The following PSMA6 variants were observed in gnomAD, a reference collection of about 807,000 sequenced individuals.
PSMA6 encodes proteasome subunit alpha type-6.
For synonymous variants in PSMA6, 88 were observed against 97.7 expected (o/e 0.90, Z 0.59); for missense variants, 170 against 294.8 (o/e 0.58, Z 3.10).
At chr14:35,291,471 T>TG (rs1163358754), upstream of PSMA6, among the ~76,000 whole-genome samples, 1 of 151,932 alleles carries the variant, frequency 6.6e-6, no homozygotes, top group East Asian at 2.0e-4. Flanking sequence ...CCGCCCGCCT[T>TG]GGTCTCCCAA....
At chr14:35,295,295 C>A (rs1016007172) in intron 1 of PSMA6, among the ~76,000 whole-genome samples, 1 of 151,306 alleles carries the variant, frequency 6.6e-6, no homozygotes, top group South Asian at 2.1e-4. Flanking sequence ...CAAGACCGTG[C>A]CATTGCACCT....
At position 35,308,894 on chromosome 14, in the gene PSMA6, T is replaced by G. The variant is rs375360605; in HGVS notation, c.172-20T>G. The G allele has an allele frequency of 2.3e-5, 35 of 1,529,184 alleles. No individual in the cohort carries two copies. In the African/African-American group the frequency reaches 3.0e-4, roughly 13 times the overall value. 94.7% of individuals were successfully genotyped at this position (1,529,184 alleles called of 1,614,324 possible). On this transcript the variant is annotated intron_variant, in intron 2 of 6. Transcript: ENST00000261479. ...CTGTATGTTTTTTAAAAAATTATCTTTGTTTATTTTGTTTATTAGGACAAA... is the reference window on the plus strand; with the variant it reads ...CTGTATGTTTTTTAAAAAATTATCTGTGTTTATTTTGTTTATTAGGACAAA...
At chr14:35,292,273 C>T, upstream of PSMA6, 1 of 1,382,796 alleles carries the variant, frequency 7.2e-7, no homozygotes, top group Non-Finnish European at 9.4e-7. Context: ...GCCTCCCGCC[C>T]TCACTCCACC....
At chr14:35,297,848 A>G (rs1311091668) in intron 1 of PSMA6, among the ~76,000 whole-genome samples, 1 of 152,144 alleles carries the variant, frequency 6.6e-6, no homozygotes, top group Non-Finnish European at 1.5e-5. Flanking sequence ...TAGCCACTGT[A>G]TTTTTCTAGT....
chr14:35,287,036 A>G (rs1300348855), intron 1 of PSMA6, among the ~76,000 whole-genome samples: 1 of 152,180 alleles, frequency 6.6e-6, no homozygotes, highest in Non-Finnish European at 1.5e-5. Flanking sequence ...AAATTATAGA[A>G]CTAGAGTAGA....
intron 6 of PSMA6, chr14:35,314,994 C>T (rs1316869700): frequency 8.0e-6 from 1 of 124,614 alleles, no homozygotes; most frequent in East Asian, 2.2e-4. Flanking sequence ...TTCTTACTCA[C>T]TAAGTGACTA....
chr14:35,310,638 A>G (rs1474268813), intron 3 of PSMA6, 102 bp from the exon 4 acceptor site: 3 of 1,144,852 alleles, frequency 2.6e-6, no homozygotes, highest in Middle Eastern at 2.9e-4. Flanking sequence ...TCTTTAACTC[A>G]TGTATGTCTA....
chr14:35,283,109 G>T (rs189390452), intron 1 of PSMA6, among the ~76,000 whole-genome samples: 84 of 152,160 alleles, frequency 5.5e-4, no homozygotes, highest in Middle Eastern at 3.4e-3. Context: ...CTCCCAAAGT[G>T]CTGGGATTAC....
intron 5 of PSMA6, 174 bp from the exon 6 acceptor site, chr14:35,314,187 A>AT (rs1400481723): frequency 4.9e-6 from 3 of 608,036 alleles, no homozygotes; most frequent in Non-Finnish European, 7.0e-6. Context: ...GTAGAAAAAA[A>AT]TTTCTCATCA....
upstream of PSMA6, among the ~76,000 whole-genome samples, chr14:35,290,033 TGTG>T (rs1235452314): frequency 6.7e-6 from 1 of 150,090 alleles, no homozygotes; most frequent in African/African-American, 2.5e-5. Context: ...ACTTGGAAAA[TGTG>T]GTACAAGGGG....
chr14:35,311,553 A>G (rs1484828930), intron 4 of PSMA6, among the ~76,000 whole-genome samples: 2 of 152,192 alleles, frequency 1.3e-5, no homozygotes, highest in Non-Finnish European at 2.9e-5. Flanking sequence ...ACCTTGAAGG[A>G]AAGAAGTATT....
chr14:35,304,267 C>G (rs2051777636), intron 1 of PSMA6, among the ~76,000 whole-genome samples: 1 of 152,148 alleles, frequency 6.6e-6, no homozygotes, highest in African/African-American at 2.4e-5. Flanking sequence ...GCCACCACGC[C>G]TGGCCAAGCT....
At chr14:35,294,848 C>A (rs1411518341) in intron 1 of PSMA6, among the ~76,000 whole-genome samples, 1 of 151,860 alleles carries the variant, frequency 6.6e-6, no homozygotes, top group East Asian at 1.9e-4. Flanking sequence ...TTAGAATCCT[C>A]CAAAGACAAA....
In PSMA6 at chr14:35,285,791, A is replaced by G. The variant is rs528940482; in HGVS notation, c.19+7073A>G. On this transcript the variant is annotated intron_variant, in intron 1 of 6. Transcript: ENST00000540871. ...TAAAGATCCCAAGATGTAGGGAGGT[A>G]CCATGAAATAATTGATCTTGCAGTT... Among the ~76,000 whole-genome samples, 7 of 152,370 alleles carry G rather than the reference A, an allele frequency of 4.6e-5. No homozygotes were observed. In the East Asian group the frequency reaches 1.3e-3, roughly 29 times the overall value.
chr14:35,292,317 G>T (rs1364319415), upstream of PSMA6: 3 of 1,461,056 alleles, frequency 2.1e-6, no homozygotes, highest in Non-Finnish European at 1.8e-6. Flanking sequence ...AGAGCTCAGT[G>T]CTCGAACTGG....
intron 1 of PSMA6, among the ~76,000 whole-genome samples, chr14:35,279,695 A>G (rs774876673): frequency 6.6e-6 from 1 of 152,252 alleles, no homozygotes; most frequent in Non-Finnish European, 1.5e-5. Flanking sequence ...CTAAGGAACA[A>G]TTGCTGCTTT....
intron 1 of PSMA6, among the ~76,000 whole-genome samples, chr14:35,302,723 T>C (rs1450262439): frequency 6.6e-6 from 1 of 152,154 alleles, no homozygotes; most frequent in East Asian, 1.9e-4. Context: ...TTCTGCCTTT[T>C]TAAGATTGGA....
In PSMA6 at chr14:35,292,427, C is replaced by T. The variant is rs374244482; in HGVS notation, c.-50C>T. The T allele has an allele frequency of 2.3e-5, 37 of 1,585,466 alleles. No individual in the cohort carries two copies. The highest frequency in any genetic ancestry group is 5.4e-5 in the African/African-American group (4 of 73,828). ...CCGGGAGGTGCTTGTGTGCCTGGTG[C>T]GGGAGCTACGGGGCCCAGGGATTGT... On this transcript the variant is annotated 5_prime_UTR_variant, in exon 1 of 7. Transcript: ENST00000261479.
intron 1 of PSMA6, among the ~76,000 whole-genome samples, chr14:35,285,353 A>C (rs1461896059): frequency 2.7e-5 from 1 of 36,510 alleles, no homozygotes; most frequent in Non-Finnish European, 1.5e-4. Flanking sequence ...AAAAACAAAA[A>C]ACAAAAAAAA....
Sources: allele counts gnomAD v4.1 joint callset (sites outside exome capture counted in the v4.1 genomes callset), GRCh38; gene constraint gnomAD v4.1.1; transcripts MANE v1.5; gene names NCBI Gene and HGNC (gene_info 2026-07-23, HGNC 2026-07-21).